Variants in DGKB observed in about 807,000 individuals in gnomAD.
DGKB encodes the protein 90 kDa diacylglycerol kinase.
Under a neutral mutation model 114.3 loss-of-function variants are expected in DGKB, and 67 were observed. The observed-to-expected ratio is 0.59, with a 90% confidence interval of 0.48 to 0.72. The LOEUF is 0.72. Ranked by LOEUF, DGKB falls within the 30% of genes least tolerant of loss-of-function variation. The probability of loss-of-function intolerance (pLI) is 0.00; values close to 1 mark genes in which losing one functional copy is unlikely to be tolerated. For synonymous variants in DGKB, 398 were observed against 323.1 expected, an observed-to-expected ratio of 1.23 and a Z score of -2.49; for missense variants, 907 against 975.2, an observed-to-expected ratio of 0.93 and a Z score of 0.93.
At chr7:14,346,839 T>C (rs1212290282) in intron 21 of DGKB, among the ~76,000 whole-genome samples, 5 of 151,990 alleles carry the variant, frequency 3.3e-5, no homozygotes, top group Non-Finnish European at 7.4e-5. Flanking sequence ...ATTCTACAGA[T>C]GGAGAGAAAA....
intron 21 of DGKB, among the ~76,000 whole-genome samples, chr7:14,375,518 T>C (rs973382626): frequency 6.6e-6 from 1 of 152,222 alleles, no homozygotes; most frequent in African/African-American, 2.4e-5. Flanking sequence ...GATCAGGTAT[T>C]GGCTTCATAG....
chr7:14,679,821 TATAA>T (rs1461826426), intron 12 of DGKB, among the ~76,000 whole-genome samples: 1 of 152,034 alleles, frequency 6.6e-6, no homozygotes, highest in Non-Finnish European at 1.5e-5. Context: ...AATAGAAAAC[TATAA>T]ATACTACTAA....
At chr7:14,541,074 TG>T (rs1793355884) in intron 20 of DGKB, among the ~76,000 whole-genome samples, 1 of 152,088 alleles carries the variant, frequency 6.6e-6, no homozygotes, top group Non-Finnish European at 1.5e-5. Flanking sequence ...GTTGACACCT[TG>T]AGAAACACTG....
intron 23 of DGKB, among the ~76,000 whole-genome samples, chr7:14,182,593 A>C (rs910087038): frequency 6.6e-6 from 1 of 152,182 alleles, no homozygotes; most frequent in African/African-American, 2.4e-5. Context: ...AAAGTTTATA[A>C]ATCTTTATAA....
intron 1 of DGKB, among the ~76,000 whole-genome samples, chr7:14,968,731 T>G (rs1426425273): frequency 1.3e-5 from 2 of 152,200 alleles, no homozygotes; most frequent in East Asian, 3.9e-4. Flanking sequence ...AAGCAGACCC[T>G]GTCAAAATGG....
chr7:14,243,465 T>C (rs577634512), intron 23 of DGKB, among the ~76,000 whole-genome samples: 1 of 152,332 alleles, frequency 6.6e-6, no homozygotes, highest in South Asian at 2.1e-4. Flanking sequence ...ATTTTGATAA[T>C]GAATAACTAA....
intron 2 of DGKB, among the ~76,000 whole-genome samples, chr7:14,835,174 A>G (rs17168465): frequency 0.12 from 18,612 of 152,224 alleles, 1,692 homozygotes; most frequent in East Asian, 0.41. Context: ...ACAGTTGCAG[A>G]TTCAAGTTTC....
chr7:14,447,682 T>C (rs192065549), intron 21 of DGKB, among the ~76,000 whole-genome samples: 122 of 152,246 alleles, frequency 8.0e-4, no homozygotes, highest in African/African-American at 2.8e-3. Flanking sequence ...ATCTCACAGA[T>C]GAAAATGTTC....
intron 23 of DGKB, among the ~76,000 whole-genome samples, chr7:14,242,989 G>A (rs1299773153): frequency 6.6e-6 from 1 of 151,894 alleles, no homozygotes; most frequent in Non-Finnish European, 1.5e-5. Context: ...GTGACAGTAT[G>A]AAGATTGGAG....
intron 23 of DGKB, among the ~76,000 whole-genome samples, chr7:14,323,250 C>T (rs1435611939): frequency 6.6e-6 from 1 of 152,078 alleles, no homozygotes; most frequent in East Asian, 1.9e-4. Context: ...AACATTTATT[C>T]ATGGTGAAAA....
intron 2 of DGKB, among the ~76,000 whole-genome samples, chr7:14,776,998 C>T (rs1001825605): frequency 5.9e-5 from 9 of 152,178 alleles, no homozygotes; most frequent in Admixed American, 3.3e-4. Flanking sequence ...GAGTCCACCT[C>T]TTGCATCAGT....
At chr7:14,336,056 T>A (rs1235167271) in intron 23 of DGKB, among the ~76,000 whole-genome samples, 2 of 152,196 alleles carry the variant, frequency 1.3e-5, no homozygotes. Flanking sequence ...TTGCTGTTTT[T>A]ATGTCAAGAA....
chr7:14,933,175 AAATCTTTGTTTCCCTGTT>A (rs1785114696), intron 1 of DGKB, among the ~76,000 whole-genome samples: 1 of 152,160 alleles, frequency 6.6e-6, no homozygotes, highest in Admixed American at 6.5e-5. Context: ...CCCTTACAAT[AAATCTTTGTTTCCCTGTT>A]AATCTACTAC....
At chr7:14,840,407 C>CAGCATA (rs1847763508) in intron 2 of DGKB, among the ~76,000 whole-genome samples, 1 of 152,124 alleles carries the variant, frequency 6.6e-6, no homozygotes, top group African/African-American at 2.4e-5. Flanking sequence ...CCTGACCCAA[C>CAGCATA]TGCTGTTCAT....
At chr7:14,431,943 T>C (rs752154580) in intron 21 of DGKB, among the ~76,000 whole-genome samples, 2 of 151,800 alleles carry the variant, frequency 1.3e-5, no homozygotes, top group Non-Finnish European at 2.9e-5. Context: ...ATGTTATTTA[T>C]AAATGTACAT....
At chr7:14,320,385 G>A (rs190797570) in intron 23 of DGKB, among the ~76,000 whole-genome samples, 6 of 152,202 alleles carry the variant, frequency 3.9e-5, no homozygotes, top group Admixed American at 6.5e-5. Flanking sequence ...CAAGTAGCAC[G>A]TCCAGAGCTT....
At chr7:14,789,960 G>T (rs1007046434) in intron 2 of DGKB, among the ~76,000 whole-genome samples, 3 of 152,056 alleles carry the variant, frequency 2.0e-5, no homozygotes, top group African/African-American at 7.3e-5. Context: ...AGTTGATGTC[G>T]TTACCAATTT....
intron 21 of DGKB, among the ~76,000 whole-genome samples, chr7:14,397,845 C>A (rs1162887607): frequency 6.6e-6 from 1 of 152,040 alleles, no homozygotes; most frequent in Non-Finnish European, 1.5e-5. Flanking sequence ...TTTGGGTTTT[C>A]TCCTTTTAGA....
intron 21 of DGKB, among the ~76,000 whole-genome samples, chr7:14,454,780 T>A (rs911380634): frequency 1.3e-5 from 2 of 152,056 alleles, no homozygotes; most frequent in African/African-American, 4.8e-5. Flanking sequence ...ACATGATAGT[T>A]TTGATAGTAA....
Sources: gnomAD v4.1 joint callset for allele counts (sites outside exome capture counted in the v4.1 genomes callset) on GRCh38, gnomAD v4.1.1 for gene constraint, MANE v1.5 for transcripts, NCBI Gene and HGNC (gene_info 2026-07-23, HGNC 2026-07-21) for gene names.